The following BMP8A variants were observed in gnomAD, a reference collection of about 807,000 sequenced individuals.
BMP8A encodes bone morphogenetic protein 8a, also known as BMP-8A.
Under a neutral mutation model 36.8 loss-of-function variants are expected in BMP8A, and 14 were observed. That is an observed-to-expected ratio of 0.38 (90% CI 0.25 to 0.60). BMP8A has a LOEUF of 0.60. Among genes scored for constraint, BMP8A ranks in the 20% least tolerant of loss-of-function variants. The pLI is 0.63. For missense variants in BMP8A, 267 were observed against 551.1 expected, an observed-to-expected ratio of 0.48 and a Z score of 5.16; for synonymous variants, 120 against 237.7, an observed-to-expected ratio of 0.50 and a Z score of 4.55.
At chr1:39,503,006 A>G (rs575308564) in intron 1 of BMP8A, among the ~76,000 whole-genome samples, 7 of 152,222 alleles carry the variant, frequency 4.6e-5, no homozygotes, top group Non-Finnish European at 8.8e-5. Flanking sequence ...AGATCATGTC[A>G]TTGCACTCCA....
At position 39,492,239 on chromosome 1, in the gene BMP8A, C is replaced by T; in HGVS notation, c.248C>T (p.Ala83Val). ...CTCTTCATGCTGGACCTGTACCACGCCATGGCTGGCGACGACGACGAGGAC... is the reference window on the plus strand; with the variant it reads ...CTCTTCATGCTGGACCTGTACCACGTCATGGCTGGCGACGACGACGAGGAC... ...APLFMLDLYH[A>V]MAGDDDEDGA... Residue 83 changes from alanine to valine, a missense_variant, in exon 1 of 7, where the codon GCC becomes GTC. This residue lies in a region of BMP8A where 21 missense variants were observed against 59.2 expected (regional missense o/e 0.35). Coordinates refer to ENST00000331593, the MANE Select transcript of BMP8A (RefSeq NM_181809.4). The T allele has an allele frequency of 6.4e-7, 1 of 1,557,128 alleles. No individual in the cohort carries two copies. The highest frequency in any genetic ancestry group is 8.6e-7 in the Non-Finnish European group (1 of 1,162,874).
Position 39,525,784 on chromosome 1 carries a change from T to G in BMP8A, c.1195T>G (p.Cys399Gly). Residue 399 changes from cysteine (C) to glycine (G), a missense_variant, in exon 7 of 7, where the codon TGC (cysteine) becomes GGC (glycine). Around this residue, in one of 7 missense-constraint regions of BMP8A, gnomAD observed 132 missense variants for 151.3 expected, o/e 0.87. Transcript: ENST00000331593. ...GCACCGCAACATGGTGGTCAAGGCC[T>G]GCGGCTGCCACTGAGTCAGCCCGCC... ...RKHRNMVVKA[C>G]GCH 1 of 1,614,114 alleles carries G rather than the reference T, an allele frequency of 6.2e-7. No homozygotes were observed.
intron 3 of BMP8A, among the ~76,000 whole-genome samples, chr1:39,512,878 A>C (rs1314239404): frequency 1.4e-5 from 2 of 147,930 alleles, no homozygotes; most frequent in Admixed American, 1.3e-4. Context: ...CAAAACCGCC[A>C]AGCTCATCAA....
intron 4 of BMP8A, 159 bp from the exon 5 acceptor site, chr1:39,522,244 A>G: frequency 1.4e-6 from 1 of 727,974 alleles, no homozygotes; most frequent in East Asian, 2.9e-5. Flanking sequence ...GTCATGGTAC[A>G]AGCAGCGTTC....
At chr1:39,504,776 T>C (rs886504785) in intron 1 of BMP8A, among the ~76,000 whole-genome samples, 1 of 152,128 alleles carries the variant, frequency 6.6e-6, no homozygotes, top group Non-Finnish European at 1.5e-5. Flanking sequence ...TCAGTATTTA[T>C]TGATCACTGT....
chr1:39,509,707 G>C (rs1298506336), intron 1 of BMP8A, among the ~76,000 whole-genome samples: 1 of 152,188 alleles, frequency 6.6e-6, no homozygotes, highest in Admixed American at 6.5e-5. Flanking sequence ...GCCTCGGCCC[G>C]CACAGCCTGG....
chr1:39,494,285 T>G (rs1645185918), intron 1 of BMP8A, among the ~76,000 whole-genome samples: 1 of 152,188 alleles, frequency 6.6e-6, no homozygotes, highest in Admixed American at 6.5e-5. Context: ...AAATGAAAAG[T>G]AGCATGTGAA....
At chr1:39,503,434 G>T (rs1645269696) in intron 1 of BMP8A, among the ~76,000 whole-genome samples, 1 of 151,910 alleles carries the variant, frequency 6.6e-6, no homozygotes, top group Non-Finnish European at 1.5e-5. Flanking sequence ...AGACCAGTCT[G>T]GGCAACATAG....
At position 39,523,224 on chromosome 1, in the gene BMP8A, C is replaced by T. The variant is rs1687182; in HGVS notation, c.1059+107C>T. 1.6e-4 allele frequency: 214 copies of T among 1,321,220 alleles called. 1 individual carries two copies. In the African/African-American group the frequency reaches 1.9e-3, roughly 12 times the overall value. 81.8% of individuals were successfully genotyped at this position (1,321,220 alleles called of 1,614,324 possible). On this transcript the variant is annotated intron_variant, in intron 6 of 6. Coordinates refer to ENST00000331593, the MANE Select transcript of BMP8A (RefSeq NM_181809.4). ...CAGTGAGGCCACCTGCTCCATGTCT[C>T]GGGGGCTTTGTCTGCACAGAGTCAG...
intron 1 of BMP8A, among the ~76,000 whole-genome samples, chr1:39,503,508 CTTTTTTTTTTTTTTT>C (rs35892449): frequency 1.4e-5 from 1 of 69,960 alleles, no homozygotes; most frequent in Non-Finnish European, 2.6e-5. Flanking sequence ...TACAGTCTTT[CTTTTTTTTTTTTTTT>C]TTTTTTTTTT....
At chr1:39,509,494 A>G (rs1645332115) in intron 1 of BMP8A, among the ~76,000 whole-genome samples, 1 of 152,200 alleles carries the variant, frequency 6.6e-6, no homozygotes, top group African/African-American at 2.4e-5. Context: ...CCCGGCTCTC[A>G]GGCGAGCTTT....
intron 1 of BMP8A, among the ~76,000 whole-genome samples, chr1:39,499,780 C>T (rs973585944): frequency 2.0e-5 from 3 of 152,174 alleles, no homozygotes; most frequent in Admixed American, 6.5e-5. Context: ...TGTGCAGCTC[C>T]GCGTGGATAG....
intron 1 of BMP8A, among the ~76,000 whole-genome samples, chr1:39,497,382 A>G (rs710920): frequency 1 from 152,282 of 152,364 alleles, 76,100 homozygotes; most frequent in Middle Eastern, 1. Context: ...GCCAGCTGGA[A>G]GCCGACACAC....
intron 1 of BMP8A, among the ~76,000 whole-genome samples, chr1:39,506,673 G>C (rs573443934): frequency 1.3e-5 from 2 of 152,182 alleles, no homozygotes; most frequent in South Asian, 4.1e-4. Context: ...ACATAAATAA[G>C]GCAGCCCCCA....
In BMP8A at chr1:39,526,077, T is replaced by C. The variant is rs1175766604; in HGVS notation, c.*279T>C. ...CTGTCTGGAGTCAGCACAGAAGTCC[T>C]ATCTTAGGACCTGTCAGACTGTGGC... On this transcript the variant is annotated 3_prime_UTR_variant, in exon 7 of 7. Coordinates refer to ENST00000331593, the MANE Select transcript of BMP8A (RefSeq NM_181809.4). 3 of 516,106 alleles carry C rather than the reference T, an allele frequency of 5.8e-6. No homozygotes were observed. Among genetic ancestry groups the C allele is most frequent in the Non-Finnish European group, 1.0e-5 (3 of 291,946 alleles). 32.0% of individuals were successfully genotyped at this position (516,106 alleles called of 1,614,324 possible).
At chr1:39,515,140 G>T in intron 3 of BMP8A, 2 of 1,555,934 alleles carry the variant, frequency 1.3e-6, no homozygotes, top group Non-Finnish European at 1.7e-6. Context: ...GTCATGATCG[G>T]GGGCTTCGGG....
rs1210862649 is a variant in BMP8A at position 39,524,156 on chromosome 1, C to T, written c.1059+1039C>T. On this transcript the variant is annotated intron_variant, in intron 6 of 6. Transcript: ENST00000331593. This position sits in a 1 kb window ranked among gnomAD's most constrained non-coding sequence, Gnocchi z 4.0. ...TGGAAAGGCCCAGGGGTGATGAGGA[C>T]GCGTGGGGTGGCCTGGCCCAGCCAC... Among the ~76,000 whole-genome samples the T allele has an allele frequency of 2.0e-5, 3 of 152,172 alleles. No individual in the cohort carries two copies. Among genetic ancestry groups the T allele is most frequent in the African/African-American group, 4.8e-5 (2 of 41,424 alleles).
chr1:39,506,875 A>G (rs1645306554), intron 1 of BMP8A, among the ~76,000 whole-genome samples: 1 of 152,180 alleles, frequency 6.6e-6, no homozygotes, highest in African/African-American at 2.4e-5. Flanking sequence ...CTTCTGCACC[A>G]TTAGTACTGC....
At chr1:39,498,693 G>T (rs1281825817) in intron 1 of BMP8A, among the ~76,000 whole-genome samples, 1 of 152,106 alleles carries the variant, frequency 6.6e-6, no homozygotes, top group Admixed American at 6.5e-5. Context: ...GCCTGCAGAG[G>T]CTGTGGGGCC....
Sources: gnomAD v4.1 joint callset for allele counts (sites outside exome capture counted in the v4.1 genomes callset) on GRCh38, gnomAD v4.1.1 for gene constraint, gnomAD v4.1.1 regional missense constraint, Gnocchi (gnomAD v3.1) non-coding constraint, MANE v1.5 for transcripts, NCBI Gene and HGNC (gene_info 2026-07-23, HGNC 2026-07-21) for gene names.